SPTBN5: variants seen among roughly 807,000 people sequenced by gnomAD.
SPTBN5 encodes spectrin beta chain, non-erythrocytic 5.
A neutral mutation model predicts 477.6 loss-of-function variants in SPTBN5; 513 were observed. That is an observed-to-expected ratio of 1.07 (90% confidence interval 1.00 to 1.16). The LOEUF (loss-of-function observed/expected upper bound fraction) is 1.16, where lower values mean the gene tolerates loss of function less well. Among genes scored for constraint, SPTBN5 ranks in the 50% most tolerant of loss-of-function variants. The probability of loss-of-function intolerance (pLI) is 0.00; values close to 1 mark genes in which losing one functional copy is unlikely to be tolerated. For missense variants in SPTBN5, 5,062 were observed against 4,731.8 expected, an observed-to-expected ratio of 1.07 and a Z score of -2.05; for synonymous variants, 2,169 against 2,011.7, an observed-to-expected ratio of 1.08 and a Z score of -2.09.
chr15:41,852,978 A>G lies in SPTBN5; in HGVS notation c.10193T>C (p.Leu3398Pro). Residue 3398 changes from leucine to proline, a missense_variant, in exon 60 of 68, where the codon CTG becomes CCG. Physicochemically the swap from Leu to Pro is moderately conservative, Grantham distance 98. Coordinates refer to ENST00000320955, the MANE Select transcript of SPTBN5 (RefSeq NM_016642.4). ...CTCCAGCTCCTGCAGCCGCCCTTCC[A>G]GCTCCTGCAGGCACTCTGTCACCTG... ...SAEVTECLQE[L>P]EGRLQELEEA... 6.4e-7 allele frequency: 1 copy of G among 1,552,914 alleles called. No individual in the cohort carries two copies. The highest frequency in any genetic ancestry group is 8.7e-7 in the Non-Finnish European group (1 of 1,149,002).
At position 41,852,846 on chromosome 15, in the gene SPTBN5, AGT is replaced by A; in HGVS notation, c.10323_10324del (p.Leu3442ProfsTer81). On this transcript the variant is annotated frameshift_variant, in exon 60 of 68. Coordinates refer to ENST00000320955, the MANE Select transcript of SPTBN5 (RefSeq NM_016642.4). LOFTEE classifies it high-confidence loss of function. Reference sequence around the variant, plus strand: ...CACCCCATAGTCGGGCTTCAGCAGGAGTCCCTCCCAGCAGGCCAGCCAGGCCT... The same window carrying A: ...CACCCCATAGTCGGGCTTCAGCAGGACCCTCCCAGCAGGCCAGCCAGGCCT... The A allele has an allele frequency of 6.2e-7, 1 of 1,606,366 alleles. No individual in the cohort carries two copies. The highest frequency in any genetic ancestry group is 8.5e-7 in the Non-Finnish European group (1 of 1,175,318).
chr15:41,879,891 T>C (rs745881681), intron 14 of SPTBN5, 27 bp from the exon 15 acceptor site: 80 of 1,613,056 alleles, frequency 5.0e-5, no homozygotes, highest in Non-Finnish European at 6.5e-5. Context: ...CCCAGCCCTC[T>C]TGGGGGACTT....
At chr15:41,850,265 C>T (rs2065708060) in intron 66 of SPTBN5, 2 of 394,804 alleles carry the variant, frequency 5.1e-6, no homozygotes, top group African/African-American at 4.0e-5. Flanking sequence ...GGAAGACAGA[C>T]TCTTGGGAGG....
In SPTBN5 at chr15:41,852,771, G is replaced by GGGT. The variant is rs1555460256; in HGVS notation, c.10348-37_10348-36insACC. Reference sequence around the variant, plus strand: ...GCATGTTCAGGTGACGCCCAGCTTGGGGGGGGGGGCCCAGAGCCTGGTAGC... The same window carrying GGGT: ...GCATGTTCAGGTGACGCCCAGCTTGGGGTGGGGGGGGGCCCAGAGCCTGGTAGC... On this transcript the variant is annotated intron_variant, in intron 60 of 67. Coordinates refer to ENST00000320955, the MANE Select transcript of SPTBN5 (RefSeq NM_016642.4). 2.7e-4 allele frequency: 426 copies of GGGT among 1,570,104 alleles called. 1 individual carries two copies. The highest frequency in any genetic ancestry group is 3.3e-4 in the Non-Finnish European group (385 of 1,169,654).
intron 34 of SPTBN5, 143 bp downstream of exon 34, chr15:41,867,926 A>G: frequency 8.5e-7 from 1 of 1,181,914 alleles, no homozygotes; most frequent in South Asian, 1.6e-5. Flanking sequence ...GCACTTCACC[A>G]TGGCCACCTG....
chr15:41,871,328 G>C (rs1027575977), intron 29 of SPTBN5, 47 bp downstream of exon 29: 1 of 1,369,840 alleles, frequency 7.3e-7, no homozygotes, highest in African/African-American at 1.5e-5. Context: ...TGCCTGCCCA[G>C]CTCCTTCCCC....
intron 10 of SPTBN5, 51 bp from the exon 11 acceptor site, chr15:41,882,520 G>C: frequency 6.3e-7 from 1 of 1,575,012 alleles, no homozygotes; most frequent in Non-Finnish European, 8.6e-7. Context: ...AGGGGAGGGG[G>C]CCGGGGGCCC....
rs1310770900 is a variant in SPTBN5, at chr15:41,854,916, C to T, written c.9484G>A (p.Val3162Met). 1 of 1,596,406 alleles carries T rather than the reference C, an allele frequency of 6.3e-7. No individual in the cohort carries two copies. The highest frequency in any genetic ancestry group is 8.5e-7 in the Non-Finnish European group (1 of 1,172,656). The change falls in exon 56 of 68, where the codon GTG becomes ATG. Residue 3162 changes from valine (V) to methionine (M), a missense_variant. Physicochemically the swap from Val to Met is conservative, Grantham distance 21. Coordinates refer to ENST00000320955, the MANE Select transcript of SPTBN5 (RefSeq NM_016642.4). ...KEVQSLGQAK[V>M]YALRKLAGTL... ...CCTGCCAACTTCCTCAGGGCATACA[C>T]CTTGGCCTGGCCCAGGCTCTGCACT...
chr15:41,863,406 C>G (rs1209208201), intron 41 of SPTBN5, among the ~76,000 whole-genome samples: 1 of 152,190 alleles, frequency 6.6e-6, no homozygotes, highest in Non-Finnish European at 1.5e-5. Context: ...TGGGAGGAAA[C>G]AGAGAGTGTG....
At chr15:41,879,961 G>T in intron 14 of SPTBN5, 97 bp from the exon 15 acceptor site, 1 of 1,518,730 alleles carries the variant, frequency 6.6e-7, no homozygotes. Context: ...CTCTGCTACA[G>T]GGATGCTCAT....
At chr15:41,860,538 C>A in intron 47 of SPTBN5, 48 bp downstream of exon 47, 1 of 1,336,790 alleles carries the variant, frequency 7.5e-7, no homozygotes, top group East Asian at 3.0e-5. Context: ...ATGCCAGATG[C>A]CTGTGCCAGC....
chr15:41,872,309 C>T lies in SPTBN5; in HGVS notation c.5158G>A (p.Ala1720Thr), dbSNP rs1447419214. The change falls in exon 27 of 68, where the codon GCC (alanine) becomes ACC (threonine). Residue 1720 changes from alanine to threonine, a missense_variant. Physicochemically the swap from Ala to Thr is moderately conservative, Grantham distance 58. Transcript: ENST00000320955. ...GGGTTATGGTGTCCTCACCGTGTGG[C>T]CGCCAACTCCTGCAGTGCCCGCAGC... ...EQLRALQELA[A>T]TRDRELEGTL... 1 of 1,610,340 alleles carries T rather than the reference C, an allele frequency of 6.2e-7. No individual in the cohort carries two copies. The highest frequency in any genetic ancestry group is 1.7e-5 in the Admixed American group (1 of 59,922).
rs199665742 is a variant in SPTBN5 at position 41,883,467 on chromosome 15, G to A, written c.1540C>T (p.Arg514Cys). The change falls in exon 8 of 68, where the codon CGC becomes TGC. Residue 514 changes from arginine to cysteine, a missense_variant. Arg to Cys is a radical substitution (Grantham distance 180). Transcript: ENST00000320955. Reference sequence around the variant, plus strand: ...AGATGCTGAAGGAGCCTCTGCCAGCGCACGGTAACTTCCTCCTGCCTAGAG... The same window carrying A: ...AGATGCTGAAGGAGCCTCTGCCAGCACACGGTAACTTCCTCCTGCCTAGAG... ...VARRQEEVTV[R>C]WQRLLQHLQG... is the part of the protein sequence containing the mutation. The A allele has an allele frequency of 5.1e-4, 816 of 1,613,876 alleles. 1 individual carries two copies. Among genetic ancestry groups the A allele is most frequent in the Non-Finnish European group, 6.3e-4 (738 of 1,179,860 alleles).
chr15:41,853,646 G>T lies in SPTBN5; in HGVS notation c.9916C>A (p.Arg3306=). The change falls in exon 58 of 68, where the codon CGA becomes AGA. Residue 3306 remains arginine, a synonymous_variant. Coordinates refer to ENST00000320955, the MANE Select transcript of SPTBN5 (RefSeq NM_016642.4). ...WATLQAKAQE[R]GQWLAQAAQG... ...GCAGCCTGCGCCAGCCACTGGCCTC[G>T]CTCCTGGGCCTTCGCCTGCAGGGTG... 1 of 1,594,360 alleles carries T rather than the reference G, an allele frequency of 6.3e-7. No homozygotes were observed. The highest frequency in any genetic ancestry group is 1.1e-5 in the South Asian group (1 of 90,480).
chr15:41,861,155 G>A (rs1567193129), intron 46 of SPTBN5, among the ~76,000 whole-genome samples: 1 of 152,250 alleles, frequency 6.6e-6, no homozygotes. Context: ...AGGAGGGCAG[G>A]GGTGAGGTGG....
At chr15:41,856,713 C>A in intron 52 of SPTBN5, 115 bp from the exon 53 acceptor site, 1 of 1,341,616 alleles carries the variant, frequency 7.5e-7, no homozygotes, top group South Asian at 1.5e-5. Flanking sequence ...TTCCCTGTCC[C>A]CATGACTCCC....
At position 41,849,874 on chromosome 15, in the gene SPTBN5, T is replaced by TA; in HGVS notation, c.11006dup (p.Leu3670ThrfsTer4). On this transcript the variant is annotated frameshift_variant, in exon 67 of 68. Coordinates refer to ENST00000320955, the MANE Select transcript of SPTBN5 (RefSeq NM_016642.4). LOFTEE classifies it high-confidence loss of function. ...CCCCCACCCAGGTGTCCCACCTGAGTAGACATCCAGGCCGGGCATCCTTGG... is the reference window on the plus strand; with the variant it reads ...CCCCCACCCAGGTGTCCCACCTGAGTAAGACATCCAGGCCGGGCATCCTTGG... 1.9e-6 allele frequency: 3 copies of TA among 1,574,228 alleles called. No individual in the cohort carries two copies. The East Asian group carries it at 7.0e-5, about 37-fold the overall frequency.
In SPTBN5 at chr15:41,876,851, TG is replaced by T. The variant is rs1482167909; in HGVS notation, c.3808del (p.His1270ThrfsTer57). 2 of 1,610,422 alleles carry T rather than the reference TG, an allele frequency of 1.2e-6. No homozygotes were observed. Among genetic ancestry groups the T allele is most frequent in the East Asian group, 4.5e-5 (2 of 44,884 alleles). ...LGPRAEALRA[H>X]GEKLVQSQHP... ...CTGGCTCTGAACCAGCTTCTCGCCG[TG>T]TGCCCGCAGAGCCTCTGCCCGAGGC... On this transcript the variant is annotated frameshift_variant, in exon 19 of 68. Transcript: ENST00000320955. LOFTEE classifies it high-confidence loss of function.
At chr15:41,851,186 A>G in intron 64 of SPTBN5, 36 bp from the exon 65 acceptor site, 1 of 1,599,912 alleles carries the variant, frequency 6.3e-7, no homozygotes, top group Non-Finnish European at 8.5e-7. Context: ...CACTGCGGCC[A>G]TCTCAGCTTT....
Sources: gnomAD v4.1 joint callset for allele counts (sites outside exome capture counted in the v4.1 genomes callset) on GRCh38, gnomAD v4.1.1 for gene constraint, MANE v1.5 for transcripts, NCBI Gene and HGNC (gene_info 2026-07-23, HGNC 2026-07-21) for gene names.